BEGAIN: variants seen among roughly 807,000 people sequenced by gnomAD.
The protein encoded by BEGAIN is brain enriched guanylate kinase associated, also known as brain-enriched guanylate kinase-associated protein.
A neutral mutation model predicts 35.8 loss-of-function variants in BEGAIN; 19 were observed. That is an observed-to-expected ratio of 0.53 (90% confidence interval 0.37 to 0.78). The LOEUF is 0.78. Ranked by LOEUF, BEGAIN falls within the 30% of genes least tolerant of loss-of-function variation. The probability of loss-of-function intolerance (pLI) is 0.00; values close to 1 mark genes in which losing one functional copy is unlikely to be tolerated. For synonymous variants in BEGAIN, 462 were observed against 388.6 expected (o/e 1.19, Z -2.22); for missense variants, 795 against 853.6 (o/e 0.93, Z 0.85).
At chr14:100,564,243 G>T (rs1440137379) in intron 2 of BEGAIN, among the ~76,000 whole-genome samples, 4 of 152,118 alleles carry the variant, frequency 2.6e-5, no homozygotes, top group Non-Finnish European at 5.9e-5. Flanking sequence ...GAACTGTGCG[G>T]ATATTTATTA....
chr14:100,561,036 T>G (rs2034200561), intron 2 of BEGAIN, among the ~76,000 whole-genome samples: 1 of 151,446 alleles, frequency 6.6e-6, no homozygotes, highest in South Asian at 2.1e-4. Context: ...CTGTGGTAGT[T>G]GGGGGGTGGG....
In BEGAIN at chr14:100,586,122, C is replaced by T. The variant is rs567278957; in HGVS notation, c.42+1127G>A. Among the ~76,000 whole-genome samples the T allele has an allele frequency of 2.6e-5, 4 of 152,372 alleles. No individual in the cohort carries two copies. The East Asian group carries it at 7.7e-4, about 29-fold the overall frequency. ...CCAAGGCCAGCCTGGCAGGGCTGCA[C>T]ACCGCAGTTTGTTAGGGGCTTCTGC... is the stretch of plus-strand genomic sequence containing the variant. On this transcript the variant is annotated intron_variant, in intron 1 of 6. Coordinates refer to ENST00000554140, the MANE Select transcript of BEGAIN (RefSeq NM_001385089.1). This position sits in a 1 kb window ranked among gnomAD's most constrained non-coding sequence, Gnocchi z 4.9.
chr14:100,555,893 C>T (rs890419015), intron 2 of BEGAIN, among the ~76,000 whole-genome samples: 2 of 152,164 alleles, frequency 1.3e-5, no homozygotes, highest in Non-Finnish European at 2.9e-5. Flanking sequence ...GGACTCCACC[C>T]GCACAGAGAG....
At chr14:100,539,597 C>T (rs950544031) in intron 6 of BEGAIN, among the ~76,000 whole-genome samples, 5 of 152,112 alleles carry the variant, frequency 3.3e-5, no homozygotes, top group African/African-American at 7.2e-5. Context: ...AAGCTGCAGT[C>T]GCCTGGAGAA....
Position 100,567,999 on chromosome 14 carries a change from G to C in BEGAIN, c.43-60C>G, listed in dbSNP as rs1256704343. ...GAGGCGTGCGCTCCGCGGCCGCGCC[G>C]GGCAGAGCCGGGCACAGCGGGCACG... is the stretch of plus-strand genomic sequence containing the variant. On this transcript the variant is annotated intron_variant, in intron 1 of 6. Coordinates refer to ENST00000554140, the MANE Select transcript of BEGAIN (RefSeq NM_001385089.1). The surrounding 1 kb of genome is among the most constrained non-coding windows in gnomAD (Gnocchi z 5.1). 7.4e-7 allele frequency: 1 copy of C among 1,358,076 alleles called. No individual in the cohort carries two copies. Among genetic ancestry groups the C allele is most frequent in the East Asian group, 3.8e-5 (1 of 26,090 alleles). The allele number at this position is 1,358,076 out of a possible 1,614,324, so 84.1% of individuals were successfully genotyped here.
At chr14:100,552,389 T>A (rs1221941382) in intron 2 of BEGAIN, among the ~76,000 whole-genome samples, 1 of 152,166 alleles carries the variant, frequency 6.6e-6, no homozygotes, top group Non-Finnish European at 1.5e-5. Flanking sequence ...TCTCAGCCTG[T>A]GGCGTGGAGG....
At position 100,573,786 on chromosome 14, in the gene BEGAIN, CTGGAAA is replaced by C. The variant is rs560410045; in HGVS notation, c.43-5853_43-5848del. On this transcript the variant is annotated intron_variant, in intron 1 of 6. Coordinates refer to ENST00000554140, the MANE Select transcript of BEGAIN (RefSeq NM_001385089.1). The surrounding 1 kb of genome is among the most constrained non-coding windows in gnomAD (Gnocchi z 4.2). ...AGGGGAGGCTCCAGGAGATGTGAACCTGGAAATGGCCAGATCAGAGGTGACACAGCC... is the reference window on the plus strand; with the variant it reads ...AGGGGAGGCTCCAGGAGATGTGAACCTGGCCAGATCAGAGGTGACACAGCC... Among the ~76,000 whole-genome samples, 10 of 152,190 alleles carry C rather than the reference CTGGAAA, an allele frequency of 6.6e-5. No individual in the cohort carries two copies. The East Asian group carries it at 1.9e-3, about 29-fold the overall frequency.
chr14:100,573,172 A>G lies in BEGAIN; in HGVS notation c.43-5233T>C, dbSNP rs1266546019. 7.2e-6 allele frequency among the ~76,000 whole-genome samples: 1 copy of G among 138,668 alleles called. No homozygotes were observed. Among genetic ancestry groups the G allele is most frequent in the African/African-American group, 2.7e-5 (1 of 37,712 alleles). 91.0% of individuals were successfully genotyped at this position (138,668 alleles called of 152,430 possible). On this transcript the variant is annotated intron_variant, in intron 1 of 6. Coordinates refer to ENST00000554140, the MANE Select transcript of BEGAIN (RefSeq NM_001385089.1). The surrounding 1 kb of genome is among the most constrained non-coding windows in gnomAD (Gnocchi z 4.2). ...CCAAGGGGCCACTGGAGGAGGGAGC[A>G]GGTGAGTCTGGGGGGAGGGGCTTCC...
intron 2 of BEGAIN, among the ~76,000 whole-genome samples, chr14:100,564,423 C>T (rs900388261): frequency 1.3e-5 from 2 of 152,036 alleles, no homozygotes; most frequent in African/African-American, 4.8e-5. Flanking sequence ...GAAAAAGGGG[C>T]TGCCCAGCAG....
At chr14:100,556,562 C>T (rs538490646) in intron 2 of BEGAIN, among the ~76,000 whole-genome samples, 2 of 152,192 alleles carry the variant, frequency 1.3e-5, no homozygotes, top group Non-Finnish European at 2.9e-5. Context: ...CTGTTCACCC[C>T]CTCCAGGAAG....
At chr14:100,570,539 C>T (rs556398814) in intron 1 of BEGAIN, among the ~76,000 whole-genome samples, 1 of 152,364 alleles carries the variant, frequency 6.6e-6, no homozygotes, top group East Asian at 1.9e-4. Flanking sequence ...AGTTTACCCC[C>T]ACACCAGATG....
chr14:100,562,818 C>G (rs539705818), intron 2 of BEGAIN, among the ~76,000 whole-genome samples: 1 of 152,368 alleles, frequency 6.6e-6, no homozygotes, highest in Admixed American at 6.5e-5. Context: ...CCCCGCAGCA[C>G]TTGTCACCGT....
At chr14:100,575,954 G>C (rs2035193067) in intron 1 of BEGAIN, among the ~76,000 whole-genome samples, 1 of 152,162 alleles carries the variant, frequency 6.6e-6, no homozygotes, top group African/African-American at 2.4e-5. Flanking sequence ...TGCGTGGTAA[G>C]TGGAGCCAAG....
intron 1 of BEGAIN, among the ~76,000 whole-genome samples, chr14:100,581,934 C>T (rs887535754): frequency 1.3e-5 from 2 of 152,220 alleles, no homozygotes; most frequent in African/African-American, 2.4e-5. Flanking sequence ...CAGTGCCAAA[C>T]GTCACCTCGC....
chr14:100,559,888 G>A (rs2034084122), intron 2 of BEGAIN, among the ~76,000 whole-genome samples: 1 of 152,238 alleles, frequency 6.6e-6, no homozygotes, highest in Non-Finnish European at 1.5e-5. Context: ...GTTGTCAGCA[G>A]CAGCAATGTT....
At chr14:100,555,683 C>A (rs1274035414) in intron 2 of BEGAIN, among the ~76,000 whole-genome samples, 1 of 152,346 alleles carries the variant, frequency 6.6e-6, no homozygotes, top group South Asian at 2.1e-4. Flanking sequence ...TAAATAGTAG[C>A]GCTTTAGCCA....
intron 2 of BEGAIN, among the ~76,000 whole-genome samples, chr14:100,550,744 A>T (rs1276547205): frequency 3.9e-5 from 6 of 152,122 alleles, no homozygotes; most frequent in African/African-American, 1.2e-4. Flanking sequence ...CTCACTCCTC[A>T]CTCTGAAGGG....
Position 100,538,196 on chromosome 14 carries a change from C to A in BEGAIN, c.1612G>T (p.Gly538Trp). ...PLPGYAPSEG[G>W]DGDRLGVQLC... ...TGCACCCCGAGCCTGTCCCCGTCCCCCCCCTCGCTGGGTGCATAGCCGGGC... is the reference window on the plus strand; with the variant it reads ...TGCACCCCGAGCCTGTCCCCGTCCCACCCCTCGCTGGGTGCATAGCCGGGC... Residue 538 changes from glycine (G) to tryptophan (W), a missense_variant, in exon 7 of 7, where the codon GGG becomes TGG. Transcript: ENST00000554140. The A allele has an allele frequency of 6.4e-7, 1 of 1,551,820 alleles. No homozygotes were observed. The highest frequency in any genetic ancestry group is 2.3e-5 in the East Asian group (1 of 42,602).
chr14:100,542,824 G>A (rs2031826481), intron 5 of BEGAIN, among the ~76,000 whole-genome samples: 1 of 152,204 alleles, frequency 6.6e-6, no homozygotes, highest in Non-Finnish European at 1.5e-5. Flanking sequence ...TTTCCAGCAT[G>A]GCAGCCACGT....
Sources: gnomAD v4.1 joint callset for allele counts (sites outside exome capture counted in the v4.1 genomes callset) on GRCh38, gnomAD v4.1.1 for gene constraint, Gnocchi (gnomAD v3.1) non-coding constraint, MANE v1.5 for transcripts, NCBI Gene and HGNC (gene_info 2026-07-23, HGNC 2026-07-21) for gene names.